FAM135A: variants seen among roughly 807,000 people sequenced by gnomAD.
FAM135A encodes family with sequence similarity 135 member A, also known as protein FAM135A.
A neutral mutation model predicts 146.8 loss-of-function variants in FAM135A; 79 were observed. The observed-to-expected ratio is 0.54, with a 90% CI of 0.45 to 0.65. The LOEUF (loss-of-function observed/expected upper bound fraction) is 0.65, where lower values mean the gene tolerates loss of function less well. Among genes scored for constraint, FAM135A ranks in the 30% least tolerant of loss-of-function variants. The probability of loss-of-function intolerance (pLI) is 0.00; values close to 1 mark genes in which losing one functional copy is unlikely to be tolerated. For missense variants in FAM135A, 1,623 were observed against 1,758.2 expected (o/e 0.92, Z 1.38); for synonymous variants, 562 against 603.6 (o/e 0.93, Z 1.01).
At chr6:70,456,102 G>C (rs1235140427) in intron 5 of FAM135A, among the ~76,000 whole-genome samples, 2 of 152,158 alleles carry the variant, frequency 1.3e-5, no homozygotes, top group African/African-American at 4.8e-5. Flanking sequence ...CACCCGCCTC[G>C]GCTGCGCCCA....
intron 12 of FAM135A, among the ~76,000 whole-genome samples, chr6:70,514,975 A>G (rs1561949333): frequency 6.6e-6 from 1 of 152,238 alleles, no homozygotes; most frequent in Admixed American, 6.5e-5. Flanking sequence ...CCTGGGAGGA[A>G]GAGAAATATC....
Position 70,556,786 on chromosome 6 carries a change from C to G in FAM135A, c.4265C>G (p.Ser1422Cys). The G allele has an allele frequency of 1.2e-6, 2 of 1,612,870 alleles. No individual in the cohort carries two copies. Among genetic ancestry groups the G allele is most frequent in the Non-Finnish European group, 1.7e-6 (2 of 1,179,576 alleles). Residue 1422 changes from serine (S) to cysteine (C), a missense_variant, in exon 21 of 22, where the codon TCC becomes TGC. By Grantham distance (112) the Ser-to-Cys change is moderately radical (BLOSUM62 -1). Transcript: ENST00000418814. ...TTCAAAAATGTTGTGCTAGTGGGATCCCTACAGGATCGCTATGTTCCTTAT... is the reference window on the plus strand; with the variant it reads ...TTCAAAAATGTTGTGCTAGTGGGATGCCTACAGGATCGCTATGTTCCTTAT... ...HYFKNVVLVG[S>C]LQDRYVPYHS...
Position 70,477,204 on chromosome 6 carries a change from G to A in FAM135A, c.414G>A (p.Leu138=). ...TGCAACTAATAAGTAGCCGAACATT[G>A]AAGCTGCACTTTAGCCCCCATAGAG... ...NALQLISSRT[L]KLHFSPHRGL... The change falls in exon 8 of 22, where the codon TTG becomes TTA. Residue 138 remains leucine, a synonymous_variant. Transcript: ENST00000418814. The A allele has an allele frequency of 6.2e-7, 1 of 1,613,512 alleles. No individual in the cohort carries two copies. The highest frequency in any genetic ancestry group is 8.5e-7 in the Non-Finnish European group (1 of 1,179,680).
chr6:70,519,774 A>G (rs1177297673), intron 12 of FAM135A, among the ~76,000 whole-genome samples: 1 of 152,212 alleles, frequency 6.6e-6, no homozygotes. Flanking sequence ...TAACTTTTAT[A>G]CACACTGGGA....
In FAM135A at chr6:70,559,943, T is replaced by C. The variant is rs1801641747; in HGVS notation, c.*22T>C. On this transcript the variant is annotated 3_prime_UTR_variant, in exon 22 of 22. Transcript: ENST00000418814. ...ATAGTATAAAAGCATTGTTAGCGACTGGACAATTACCTCATTCAACAATGT... is the reference window on the plus strand; with the variant it reads ...ATAGTATAAAAGCATTGTTAGCGACCGGACAATTACCTCATTCAACAATGT... 1.9e-6 allele frequency: 3 copies of C among 1,558,104 alleles called. No individual in the cohort carries two copies. In the East Asian group the frequency reaches 6.7e-5, roughly 35 times the overall value.
chr6:70,413,865 C>T, intron 1 of FAM135A, 163 bp downstream of exon 1: 1 of 985,442 alleles, frequency 1.0e-6, no homozygotes, highest in Non-Finnish European at 1.2e-6. Flanking sequence ...AGCCTGGCCC[C>T]GGCCCCGTTG....
In FAM135A at chr6:70,525,612, T is replaced by C. The variant is rs1794536123; in HGVS notation, c.2528T>C (p.Leu843Pro). ...IQSSLTSINS[L>P]PSDDELSPDE... Reference sequence around the variant, plus strand: ...TCATCTTTGACATCCATAAACTCTCTACCCTCCGATGATGAACTGTCACCT... The same window carrying C: ...TCATCTTTGACATCCATAAACTCTCCACCCTCCGATGATGAACTGTCACCT... The change falls in exon 15 of 22, where the codon CTA becomes CCA. Residue 843 changes from leucine to proline, a missense_variant. Coordinates refer to ENST00000418814, the MANE Select transcript of FAM135A (RefSeq NM_001162529.3). 1 of 1,612,710 alleles carries C rather than the reference T, an allele frequency of 6.2e-7. No homozygotes were observed. Among genetic ancestry groups the C allele is most frequent in the Non-Finnish European group, 8.5e-7 (1 of 1,178,996 alleles).
intron 4 of FAM135A, among the ~76,000 whole-genome samples, chr6:70,435,908 G>A (rs768975524): frequency 2.0e-5 from 3 of 152,154 alleles, no homozygotes; most frequent in Non-Finnish European, 4.4e-5. Context: ...AACTTGCCGG[G>A]TGTGGTGGCT....
intron 21 of FAM135A, among the ~76,000 whole-genome samples, chr6:70,558,670 A>T: frequency 6.6e-6 from 1 of 152,192 alleles, no homozygotes; most frequent in East Asian, 1.9e-4. Flanking sequence ...TAGCTAGGCT[A>T]ATTAAAATGG....
Position 70,538,362 on chromosome 6 carries a change from C to T in FAM135A, c.4189C>T (p.Pro1397Ser). The T allele has an allele frequency of 3.3e-6, 5 of 1,511,852 alleles. No homozygotes were observed. The highest frequency in any genetic ancestry group is 4.5e-6 in the Non-Finnish European group (5 of 1,123,538). The allele number at this position is 1,511,852 out of a possible 1,614,324, so 93.7% of individuals were successfully genotyped here. Residue 1397 changes from proline (P) to serine (S), a missense_variant, in exon 20 of 22, where the codon CCT becomes TCT. Physicochemically the swap from Pro to Ser is moderately conservative, Grantham distance 74. Transcript: ENST00000418814. ...LQLTCRDHSDPRQTFLYKLSN... is the reference protein window; with the variant it reads ...LQLTCRDHSDSRQTFLYKLSN... The stretch of plus-strand genomic sequence containing the variant: ...GCTGACATGTCGAGATCACTCAGAC[C>T]CTCGCCAAACTTTTTTATATAAGCT...
chr6:70,475,841 G>C, intron 7 of FAM135A, 108 bp downstream of exon 7: 1 of 847,272 alleles, frequency 1.2e-6, no homozygotes, highest in Non-Finnish European at 1.8e-6. Flanking sequence ...ATCTTGTCTT[G>C]AACTACTTGT....
chr6:70,443,147 T>A (rs537857143), intron 4 of FAM135A, among the ~76,000 whole-genome samples: 4 of 152,218 alleles, frequency 2.6e-5, no homozygotes, highest in Non-Finnish European at 5.9e-5. Context: ...GTGCCATTTT[T>A]GATCTCACTA....
chr6:70,445,366 G>A (rs181004757), intron 4 of FAM135A, among the ~76,000 whole-genome samples: 10 of 118,292 alleles, frequency 8.5e-5, no homozygotes, highest in African/African-American at 2.5e-4. Context: ...CTGCCGTCTT[G>A]GTCAGGGAAA....
At chr6:70,509,946 T>C (rs1004350523) in intron 12 of FAM135A, among the ~76,000 whole-genome samples, 1 of 152,180 alleles carries the variant, frequency 6.6e-6, no homozygotes, top group African/African-American at 2.4e-5. Flanking sequence ...GCTGGTTTGC[T>C]ATACTGTTTA....
intron 11 of FAM135A, among the ~76,000 whole-genome samples, chr6:70,496,084 G>C (rs1409270129): frequency 6.6e-6 from 1 of 152,114 alleles, no homozygotes; most frequent in Admixed American, 6.5e-5. Context: ...TGTGAATAGT[G>C]CTGCAATAAA....
chr6:70,432,568 C>G (rs759335757), intron 4 of FAM135A, among the ~76,000 whole-genome samples: 1 of 152,004 alleles, frequency 6.6e-6, no homozygotes, highest in Non-Finnish European at 1.5e-5. Flanking sequence ...TCTTTATAGC[C>G]CCCTACCTAA....
chr6:70,505,844 T>G (rs556734328), intron 12 of FAM135A, among the ~76,000 whole-genome samples: 1 of 152,294 alleles, frequency 6.6e-6, no homozygotes, highest in Non-Finnish European at 1.5e-5. Context: ...TGCTATATTG[T>G]AGTAAACAGG....
At chr6:70,534,869 A>G (rs1165085284) in intron 18 of FAM135A, among the ~76,000 whole-genome samples, 1 of 152,190 alleles carries the variant, frequency 6.6e-6, no homozygotes, top group Non-Finnish European at 1.5e-5. Context: ...GAAGAGAGAT[A>G]AGCAGTTTCT....
At chr6:70,429,428 G>T (rs1454368989) in intron 4 of FAM135A, among the ~76,000 whole-genome samples, 1 of 151,924 alleles carries the variant, frequency 6.6e-6, no homozygotes, top group African/African-American at 2.4e-5. Context: ...CAGGAGAATC[G>T]CTTGAATCCA....
Sources: gnomAD v4.1 joint callset for allele counts (sites outside exome capture counted in the v4.1 genomes callset) on GRCh38, gnomAD v4.1.1 for gene constraint, MANE v1.5 for transcripts, NCBI Gene and HGNC (gene_info 2026-07-23, HGNC 2026-07-21) for gene names.